CERCAM: variants seen among roughly 807,000 people sequenced by gnomAD.
CERCAM encodes inactive glycosyltransferase 25 family member 3.
A neutral mutation model predicts 66.0 loss-of-function variants in CERCAM; 59 were observed. The observed-to-expected ratio is 0.89, with a 90% CI of 0.73 to 1.11. CERCAM has a LOEUF of 1.11. Ranked by LOEUF, CERCAM falls within the 50% of genes most tolerant of loss-of-function variation. The pLI is 0.00. For missense variants in CERCAM, 840 were observed against 828.3 expected (o/e 1.01, Z -0.17); for synonymous variants, 318 against 343.6 (o/e 0.93, Z 0.83).
At chr9:128,426,744 G>A (rs1588620114) in intron 5 of CERCAM, among the ~76,000 whole-genome samples, 1 of 152,198 alleles carries the variant, frequency 6.6e-6, no homozygotes, top group Admixed American at 6.5e-5. Context: ...TCTGGTGCAT[G>A]GAGAAGAACT....
At position 128,435,763 on chromosome 9, in the gene CERCAM, C is replaced by T. The variant is rs769282187; in HGVS notation, c.1646C>T (p.Thr549Met). 1.2e-5 allele frequency: 20 copies of T among 1,613,352 alleles called. No homozygotes were observed. Among genetic ancestry groups the T allele is most frequent in the South Asian group, 3.3e-5 (3 of 90,930 alleles). The part of the protein sequence containing the change: ...YAGDAEWLSD[T>M]ETSSPWDDDS... The stretch of plus-strand genomic sequence containing the variant: ...GGGGACGCCGAGTGGCTCAGTGACA[C>T]GGAGACATCCTCTCCATGGGATGAT... Residue 549 changes from threonine (T) to methionine (M), a missense_variant, in exon 12 of 13, where the codon ACG becomes ATG. Coordinates refer to ENST00000372838, the MANE Select transcript of CERCAM (RefSeq NM_016174.5).
intron 6 of CERCAM, 61 bp downstream of exon 6, chr9:128,428,482 C>T: frequency 6.3e-7 from 1 of 1,595,340 alleles, no homozygotes; most frequent in Non-Finnish European, 8.6e-7. Context: ...CCCCACGGTG[C>T]CCCTTTCCCT....
chr9:128,436,694 A>G (rs1834122218), intron 12 of CERCAM, among the ~76,000 whole-genome samples, 155 bp from the exon 13 acceptor site: 1 of 152,100 alleles, frequency 6.6e-6, no homozygotes. Context: ...GTGTCTGTCT[A>G]TAATTGTACC....
In CERCAM at chr9:128,437,161, A is replaced by G. The variant is rs1233850947; in HGVS notation, c.*313A>G. 6.6e-6 allele frequency: 1 copy of G among 151,488 alleles called. No individual in the cohort carries two copies. The highest frequency in any genetic ancestry group is 1.5e-5 in the Non-Finnish European group (1 of 67,844). 9.4% of individuals were successfully genotyped at this position (151,488 alleles called of 1,614,324 possible). The stretch of plus-strand genomic sequence containing the variant: ...CCCAGGATCCCTTCCCTCCCTAAGG[A>G]CTCAGCTGAGGGGCCCCTCTGCCCC... On this transcript the variant is annotated 3_prime_UTR_variant, in exon 13 of 13. Coordinates refer to ENST00000372838, the MANE Select transcript of CERCAM (RefSeq NM_016174.5).
At chr9:128,421,355 G>A in intron 1 of CERCAM, 1 of 1,177,238 alleles carries the variant, frequency 8.5e-7, no homozygotes. Context: ...TGTAGGTTGG[G>A]CCCAGCCAGC....
In CERCAM at chr9:128,435,727, C is replaced by T. The variant is rs138214931; in HGVS notation, c.1610C>T (p.Thr537Ile). Reference protein sequence around the residue: ...FSAQPLLAAPTHYAGDAEWLS... With the variant: ...FSAQPLLAAPIHYAGDAEWLS... ...GCCCAGCCCCTGCTCGCTGCCCCTA[C>T]CCACTATGCCGGGGACGCCGAGTGG... The change falls in exon 12 of 13, where the codon ACC (threonine) becomes ATC (isoleucine). Residue 537 changes from threonine to isoleucine, a missense_variant. Transcript: ENST00000372838. 1,985 of 1,613,544 alleles carry T rather than the reference C, an allele frequency of 1.2e-3. 2 individuals carry two copies. The highest frequency in any genetic ancestry group is 1.6e-3 in the Non-Finnish European group (1,883 of 1,179,902).
At chr9:128,425,699 C>T (rs1833829129) in intron 5 of CERCAM, among the ~76,000 whole-genome samples, 1 of 150,748 alleles carries the variant, frequency 6.6e-6, no homozygotes, top group South Asian at 2.1e-4. Flanking sequence ...TTAGTAGAGA[C>T]GGGGTTTCTC....
At chr9:128,423,490 G>A (rs866138184) in intron 3 of CERCAM, among the ~76,000 whole-genome samples, 4 of 151,976 alleles carry the variant, frequency 2.6e-5, no homozygotes, top group Admixed American at 6.6e-5. Context: ...GGTCGCAGGC[G>A]CCTGTAATTC....
At chr9:128,426,660 G>T (rs1368840326) in intron 5 of CERCAM, among the ~76,000 whole-genome samples, 5 of 151,970 alleles carry the variant, frequency 3.3e-5, no homozygotes, top group Non-Finnish European at 7.4e-5. Flanking sequence ...GAGAGGGAGG[G>T]GTGGAGACAC....
rs774615350 is a variant in CERCAM at position 128,424,595 on chromosome 9, C to G, written c.747C>G (p.Ala249=). The change falls in exon 5 of 13, where the codon GCC becomes GCG. Residue 249 remains alanine (A), a synonymous_variant. Transcript: ENST00000372838. ...CTTTCGACGACATCATCGTCTTCGC[C>G]TATGCCTGCCAGGCTGCTGGTGAGG... is the stretch of plus-strand genomic sequence containing the variant. ...TWPFDDIIVF[A]YACQAAGVSV... The G allele has an allele frequency of 6.2e-7, 1 of 1,614,150 alleles. No homozygotes were observed. The highest frequency in any genetic ancestry group is 1.1e-5 in the South Asian group (1 of 91,082).
At chr9:128,425,345 G>A (rs890653649) in intron 5 of CERCAM, among the ~76,000 whole-genome samples, 5 of 151,424 alleles carry the variant, frequency 3.3e-5, no homozygotes, top group East Asian at 1.9e-4. Context: ...GTGAGCCACC[G>A]CGCCCAGCCA....
At chr9:128,423,812 C>G (rs766479899) in intron 3 of CERCAM, among the ~76,000 whole-genome samples, 4 of 152,128 alleles carry the variant, frequency 2.6e-5, no homozygotes, top group Non-Finnish European at 4.4e-5. Flanking sequence ...GCCTCGATTT[C>G]TGGGCTAGAG....
chr9:128,436,485 T>TCAG (rs1834117171), intron 12 of CERCAM, among the ~76,000 whole-genome samples: 2 of 152,138 alleles, frequency 1.3e-5, no homozygotes, highest in Admixed American at 1.3e-4. Context: ...TGACCTGAGG[T>TCAG]GATCTGCCCG....
chr9:128,423,363 T>A lies in CERCAM; in HGVS notation c.426+100T>A, dbSNP rs560555890. 1.8e-5 allele frequency: 18 copies of A among 984,932 alleles called. No homozygotes were observed. The Admixed American group carries it at 3.8e-4, about 21-fold the overall frequency. 61.0% of individuals were successfully genotyped at this position (984,932 alleles called of 1,614,324 possible). ...TGGGTGCAGTGGCTCACGCCTATAA[T>A]CCTAGCACTTTGGGAGGCCAAGGCA... On this transcript the variant is annotated intron_variant, in intron 3 of 12. Coordinates refer to ENST00000372838, the MANE Select transcript of CERCAM (RefSeq NM_016174.5).
At position 128,431,001 on chromosome 9, in the gene CERCAM, G is replaced by A. The variant is rs1453261345; in HGVS notation, c.1071-170G>A. The A allele has an allele frequency of 5.2e-6, 4 of 765,192 alleles. No homozygotes were observed. In the Admixed American group the frequency reaches 7.5e-5, roughly 14 times the overall value. 47.4% of individuals were successfully genotyped at this position (765,192 alleles called of 1,614,324 possible). On this transcript the variant is annotated intron_variant, in intron 8 of 12. Coordinates refer to ENST00000372838, the MANE Select transcript of CERCAM (RefSeq NM_016174.5). ...TCCAGCCTGGGCAACAGGGGCTCCAGTTCCCCAGGTCCAGTCCCTTGACAG... is the reference window on the plus strand; with the variant it reads ...TCCAGCCTGGGCAACAGGGGCTCCAATTCCCCAGGTCCAGTCCCTTGACAG...
In CERCAM at chr9:128,423,152, C is replaced by T; in HGVS notation, c.315C>T (p.Tyr105=). ...VWRPEGEPRF[Y]PDEEGPKHWT... ...CTCACCTCTATCCCCTCAGGTTCTA[C>T]CCAGATGAAGAGGGTCCCAAGCACT... Residue 105 remains tyrosine (Y), a synonymous_variant, in exon 3 of 13, where the codon TAC becomes TAT. Coordinates refer to ENST00000372838, the MANE Select transcript of CERCAM (RefSeq NM_016174.5). 2 of 1,614,020 alleles carry T rather than the reference C, an allele frequency of 1.2e-6. No homozygotes were observed. Among genetic ancestry groups the T allele is most frequent in the South Asian group, 2.2e-5 (2 of 91,080 alleles).
rs751098386 is a variant in CERCAM, at chr9:128,434,539, G to T, written c.1461G>T (p.Leu487=). 4 of 1,612,446 alleles carry T rather than the reference G, an allele frequency of 2.5e-6. No individual in the cohort carries two copies. Among genetic ancestry groups the T allele is most frequent in the Non-Finnish European group, 3.4e-6 (4 of 1,179,970 alleles). The part of the protein sequence containing the change: ...YALRLAGARK[L]LASQPLRRML... ...TGCGTCTGGCGGGTGCCCGCAAGCT[G>T]CTGGCCTCACAGCCTCTGCGCCGCA... Residue 487 remains leucine (L), a synonymous_variant, in exon 11 of 13, where the codon CTG becomes CTT. Transcript: ENST00000372838. The surrounding 1 kb of genome is among the most constrained non-coding windows in gnomAD (Gnocchi z 4.5).
At chr9:128,428,667 G>C (rs1252311739) in intron 6 of CERCAM, 90 bp from the exon 7 acceptor site, 1 of 1,421,312 alleles carries the variant, frequency 7.0e-7, no homozygotes, top group Admixed American at 1.7e-5. Context: ...TGCCAAAGGG[G>C]GCAGGAATGA....
intron 1 of CERCAM, chr9:128,421,594 C>A: frequency 1.1e-6 from 1 of 910,950 alleles, no homozygotes; most frequent in Non-Finnish European, 1.3e-6. Context: ...CTGGGGCCAG[C>A]TCTCTTGGTA....
Sources: gnomAD v4.1 joint callset for allele counts (sites outside exome capture counted in the v4.1 genomes callset) on GRCh38, gnomAD v4.1.1 for gene constraint, Gnocchi (gnomAD v3.1) non-coding constraint, MANE v1.5 for transcripts, NCBI Gene and HGNC (gene_info 2026-07-23, HGNC 2026-07-21) for gene names.